Variants in PGLS observed in about 807,000 individuals in gnomAD.
PGLS encodes the protein 6-phosphogluconolactonase, also known as epididymis secretory protein Li 304.
In PGLS, 21 loss-of-function variants were observed where a neutral mutation model predicts 23.2. That is an observed-to-expected ratio of 0.91 (90% CI 0.64 to 1.31). PGLS has a LOEUF of 1.31. Among genes scored for constraint, PGLS ranks in the 50% most tolerant of loss-of-function variants. The pLI, the probability that PGLS is intolerant of heterozygous loss-of-function variation, is 0.00. For synonymous variants in PGLS, 179 were observed against 165.4 expected (o/e 1.08, Z -0.63); for missense variants, 410 against 354.0 (o/e 1.16, Z -1.27).
In PGLS at chr19:17,511,738, A is replaced by C. The variant is rs768101214; in HGVS notation, c.66A>C (p.Leu22=). ...FSSSQELGAA[L]AQLVAQRAAC... is the part of the protein sequence containing the mutation. Reference sequence around the variant, plus strand: ...GTTCCCAGGAGCTGGGTGCGGCGCTAGCGCAGCTGGTGGCCCAGCGCGCAG... The same window carrying C: ...GTTCCCAGGAGCTGGGTGCGGCGCTCGCGCAGCTGGTGGCCCAGCGCGCAG... The change falls in exon 1 of 5, where the codon CTA becomes CTC. Residue 22 remains leucine, a synonymous_variant. Transcript: ENST00000252603. 10 of 1,506,144 alleles carry C rather than the reference A, an allele frequency of 6.6e-6. No individual in the cohort carries two copies. Among genetic ancestry groups the C allele is most frequent in the Non-Finnish European group, 7.1e-6 (8 of 1,134,552 alleles). 93.3% of individuals were successfully genotyped at this position (1,506,144 alleles called of 1,614,324 possible). A position where few individuals can be genotyped will look rare whatever the true frequency, so the allele number is the denominator to read the frequency against.
Position 17,521,140 on chromosome 19 carries a change from G to C in PGLS, c.*59G>C. ...ACGCGGCCCATGGGGCTGGGCCCCT[G>C]CTGGCCGCCACTCTCCGGGCTCTCC... On this transcript the variant is annotated 3_prime_UTR_variant, in exon 5 of 5. Transcript: ENST00000252603. 6.9e-7 allele frequency: 1 copy of C among 1,452,210 alleles called. No homozygotes were observed. The highest frequency in any genetic ancestry group is 9.2e-7 in the Non-Finnish European group (1 of 1,090,800). 90.0% of individuals were successfully genotyped at this position (1,452,210 alleles called of 1,614,324 possible).
chr19:17,511,936 C>T lies in PGLS; in HGVS notation c.264C>T (p.Ala88=), dbSNP rs754130584. 292 of 1,550,388 alleles carry T rather than the reference C, an allele frequency of 1.9e-4. No homozygotes were observed. Among genetic ancestry groups the T allele is most frequent in the Non-Finnish European group, 2.4e-4 (276 of 1,149,744 alleles). The change falls in exon 1 of 5, where the codon GCC becomes GCT. Residue 88 remains alanine, a synonymous_variant. Transcript: ENST00000252603. ...CDERLVPFDH[A]ESTYGLYRTH... ...AGCGCCTCGTGCCCTTCGATCACGC[C>T]GAGAGCACGTACGGCCTCTACCGGG...
intron 3 of PGLS, 54 bp downstream of exon 3, chr19:17,517,443 C>T (rs2144644599): frequency 7.2e-7 from 1 of 1,386,472 alleles, no homozygotes; most frequent in East Asian, 2.3e-5. Context: ...TCCCTAACAT[C>T]TGGGACTTCC....
At chr19:17,514,161 G>GT (rs1430894282) in intron 1 of PGLS, among the ~76,000 whole-genome samples, 1 of 152,226 alleles carries the variant, frequency 6.6e-6, no homozygotes, top group Non-Finnish European at 1.5e-5. Flanking sequence ...TGAAATCAAG[G>GT]TGTTGGTGGG....
At chr19:17,516,080 T>C in intron 1 of PGLS, 93 bp from the exon 2 acceptor site, 1 of 924,206 alleles carries the variant, frequency 1.1e-6, no homozygotes, top group Non-Finnish European at 1.7e-6. Context: ...TCCCCATCTG[T>C]AAATGAGTGT....
chr19:17,515,950 G>A (rs2075530340), intron 1 of PGLS: 7 of 436,558 alleles, frequency 1.6e-5, no homozygotes, highest in African/African-American at 4.0e-5. Flanking sequence ...CCTGACAGGC[G>A]GCGTCACCCA....
At chr19:17,517,475 G>A in intron 3 of PGLS, 86 bp downstream of exon 3, 2 of 1,134,654 alleles carry the variant, frequency 1.8e-6, no homozygotes, top group South Asian at 2.7e-5. Flanking sequence ...CACCTGCCGG[G>A]TGGGGTGTCT....
At chr19:17,516,583 CTTTTT>C in intron 2 of PGLS, 2 of 709,608 alleles carry the variant, frequency 2.8e-6, no homozygotes, top group East Asian at 8.7e-5. Flanking sequence ...ACTTGTATTT[CTTTTT>C]TTTTTTTTTT....
Position 17,521,144 on chromosome 19 carries a change from G to T in PGLS, c.*63G>T. On this transcript the variant is annotated 3_prime_UTR_variant, in exon 5 of 5. Transcript: ENST00000252603. ...GGCCCATGGGGCTGGGCCCCTGCTGGCCGCCACTCTCCGGGCTCTCCTTTC... is the reference window on the plus strand; with the variant it reads ...GGCCCATGGGGCTGGGCCCCTGCTGTCCGCCACTCTCCGGGCTCTCCTTTC... The T allele has an allele frequency of 6.9e-7, 1 of 1,440,260 alleles. No homozygotes were observed. The highest frequency in any genetic ancestry group is 9.2e-7 in the Non-Finnish European group (1 of 1,083,756). 89.2% of individuals were successfully genotyped at this position (1,440,260 alleles called of 1,614,324 possible).
chr19:17,514,929 GGC>G lies in PGLS; in HGVS notation c.289-1243_289-1242del, dbSNP rs1453057123. Among the ~76,000 whole-genome samples, 1,299 of 152,266 alleles carry G rather than the reference GGC, an allele frequency of 8.5e-3. 14 individuals carry two copies. Among genetic ancestry groups the G allele is most frequent in the African/African-American group, 0.028 (1,184 of 41,550 alleles). On this transcript the variant is annotated intron_variant, in intron 1 of 4. Coordinates refer to ENST00000252603, the MANE Select transcript of PGLS (RefSeq NM_012088.3). ...GGCCTCCCAAAGTGCTGGGATTACA[GGC>G]ATGAGCCACCGTGCCAGGCCGCTAA...
At chr19:17,517,143 A>G in intron 2 of PGLS, 145 bp from the exon 3 acceptor site, 1 of 648,718 alleles carries the variant, frequency 1.5e-6, no homozygotes, top group Non-Finnish European at 2.8e-6. Context: ...TCGGCCTCCC[A>G]AAGTGCTGGG....
intron 4 of PGLS, 79 bp downstream of exon 4, chr19:17,517,929 T>C: frequency 7.0e-7 from 1 of 1,425,252 alleles, no homozygotes; most frequent in Non-Finnish European, 9.6e-7. Flanking sequence ...CAGACATTAT[T>C]GTGCTGAAGC....
At chr19:17,515,916 C>G in intron 1 of PGLS, 1 of 363,782 alleles carries the variant, frequency 2.7e-6, no homozygotes, top group Non-Finnish European at 5.3e-6. Context: ...GCAGGGCTCC[C>G]TCTTGCCCTT....
chr19:17,512,233 C>G (rs2075512117), intron 1 of PGLS: 1 of 476,638 alleles, frequency 2.1e-6, no homozygotes. Context: ...GATGGTCACG[C>G]CCACTGCCTG....
At position 17,514,951 on chromosome 19, in the gene PGLS, C is replaced by T. The variant is rs947697431; in HGVS notation, c.289-1222C>T. On this transcript the variant is annotated intron_variant, in intron 1 of 4. Transcript: ENST00000252603. ...ACAGGCATGAGCCACCGTGCCAGGCCGCTAATTTTTTATTTTTGGTAAATA... is the reference window on the plus strand; with the variant it reads ...ACAGGCATGAGCCACCGTGCCAGGCTGCTAATTTTTTATTTTTGGTAAATA... 2.6e-5 allele frequency among the ~76,000 whole-genome samples: 4 copies of T among 152,052 alleles called. No homozygotes were observed. The South Asian group carries it at 6.2e-4, about 24-fold the overall frequency.
At position 17,513,902 on chromosome 19, in the gene PGLS, G is replaced by A. The variant is rs552296052; in HGVS notation, c.288+1942G>A. Among the ~76,000 whole-genome samples, 193 of 152,294 alleles carry A rather than the reference G, an allele frequency of 1.3e-3. 1 individual carries two copies. Among genetic ancestry groups the A allele is most frequent in the African/African-American group, 4.0e-3 (168 of 41,562 alleles). On this transcript the variant is annotated intron_variant, in intron 1 of 4. Coordinates refer to ENST00000252603, the MANE Select transcript of PGLS (RefSeq NM_012088.3). ...AGGGCTATGGGGTGGGAGGTCCTGAGAAGGTGCCATTTGAGCTGAGAGCTG... is the reference window on the plus strand; with the variant it reads ...AGGGCTATGGGGTGGGAGGTCCTGAAAAGGTGCCATTTGAGCTGAGAGCTG...
rs1174179487 is a variant in PGLS at position 17,517,383 on chromosome 19, C to A, written c.492C>A (p.Leu164=). ...GCTCACTCTTCCCAGACCACCCCCT[C>A]CTACAGGTGAGCACACCAATGCGGG... ...HTCSLFPDHP[L]LQEREKIVAP... Residue 164 remains leucine (L), a synonymous_variant, in exon 3 of 5, where the codon CTC becomes CTA. Transcript: ENST00000252603. 6.2e-7 allele frequency: 1 copy of A among 1,611,378 alleles called. No homozygotes were observed. Among genetic ancestry groups the A allele is most frequent in the Admixed American group, 1.7e-5 (1 of 59,970 alleles).
At chr19:17,513,422 G>C (rs886068374) in intron 1 of PGLS, among the ~76,000 whole-genome samples, 20 of 152,090 alleles carry the variant, frequency 1.3e-4, no homozygotes, top group Non-Finnish European at 2.6e-4. Flanking sequence ...AGCTACTCGG[G>C]AGGCTGAGGC....
At chr19:17,512,265 T>TG (rs2075512380) in intron 1 of PGLS, 1 of 422,484 alleles carries the variant, frequency 2.4e-6, no homozygotes, top group South Asian at 2.9e-5. Flanking sequence ...CGGGGGCCGC[T>TG]GGGGGTCTAG....
Sources: gnomAD v4.1 joint callset for allele counts (sites outside exome capture counted in the v4.1 genomes callset) on GRCh38, gnomAD v4.1.1 for gene constraint, MANE v1.5 for transcripts, NCBI Gene and HGNC (gene_info 2026-07-23, HGNC 2026-07-21) for gene names.